Variants in ITPK1 observed in about 807,000 individuals in gnomAD.
ITPK1 encodes the protein inositol-tetrakisphosphate 1-kinase, also known as inositol 1,3,4-trisphosphate 5/6-kinase.
In ITPK1, 21 loss-of-function variants were observed where a neutral mutation model predicts 45.3. That is an observed-to-expected ratio of 0.46 (90% CI 0.33 to 0.67). ITPK1 has a LOEUF of 0.67. Among genes scored for constraint, ITPK1 ranks in the 30% least tolerant of loss-of-function variants. The probability of loss-of-function intolerance (pLI) is 0.02; values close to 1 mark genes in which losing one functional copy is unlikely to be tolerated. For missense variants in ITPK1, 474 were observed against 573.5 expected (o/e 0.83, Z 1.77); for synonymous variants, 258 against 253.6 (o/e 1.02, Z -0.16).
intron 4 of ITPK1, among the ~76,000 whole-genome samples, chr14:92,996,560 A>G (rs1448367006): frequency 6.6e-6 from 1 of 151,774 alleles, no homozygotes. Flanking sequence ...GTGCACATGT[A>G]CCCTAGAACT....
intron 3 of ITPK1, among the ~76,000 whole-genome samples, chr14:93,051,052 T>G (rs754231837): frequency 4.6e-5 from 7 of 152,178 alleles, no homozygotes; most frequent in African/African-American, 7.2e-5. Context: ...GGGCCCGGCC[T>G]GCCTGGGCAC....
At chr14:92,990,148 T>C (rs1004745717) in intron 5 of ITPK1, among the ~76,000 whole-genome samples, 1 of 152,198 alleles carries the variant, frequency 6.6e-6, no homozygotes, top group African/African-American at 2.4e-5. Flanking sequence ...ATTTCCTGAC[T>C]CCCTTGCAGC....
Position 92,941,490 on chromosome 14 carries a change from C to A in ITPK1, c.*71G>T, listed in dbSNP as rs541170009. 1 of 1,449,008 alleles carries A rather than the reference C, an allele frequency of 6.9e-7. No individual in the cohort carries two copies. The highest frequency in any genetic ancestry group is 1.4e-5 in the South Asian group (1 of 73,244). The allele number at this position is 1,449,008 out of a possible 1,614,324, so 89.8% of individuals were successfully genotyped here. A position where few individuals can be genotyped will look rare whatever the true frequency, so the allele number is the denominator to read the frequency against. ...CTGGGGATTCTTAGTAGTAGCATCGCCGTTGGGAGCTGCTGGCCCAGCGGG... is the reference window on the plus strand; with the variant it reads ...CTGGGGATTCTTAGTAGTAGCATCGACGTTGGGAGCTGCTGGCCCAGCGGG... On this transcript the variant is annotated 3_prime_UTR_variant, in exon 11 of 11. Transcript: ENST00000267615.
chr14:92,949,928 G>A (rs1287879343), intron 9 of ITPK1, among the ~76,000 whole-genome samples: 1 of 152,186 alleles, frequency 6.6e-6, no homozygotes, highest in African/African-American at 2.4e-5. Flanking sequence ...TCCCCAGTGG[G>A]CCTCGGCACC....
At chr14:92,968,354 T>A (rs1306939165) in intron 5 of ITPK1, among the ~76,000 whole-genome samples, 2 of 152,004 alleles carry the variant, frequency 1.3e-5, no homozygotes, top group Non-Finnish European at 2.9e-5. Context: ...AAGGTAAATG[T>A]ATGATACATA....
intron 3 of ITPK1, chr14:93,070,764 G>C (rs1890962475): frequency 6.5e-6 from 1 of 152,962 alleles, no homozygotes; most frequent in Non-Finnish European, 1.5e-5. Context: ...AAGGGGCCTG[G>C]CTTGGGCCTG....
At chr14:92,989,548 A>C (rs1419198741) in intron 5 of ITPK1, among the ~76,000 whole-genome samples, 2 of 152,000 alleles carry the variant, frequency 1.3e-5, no homozygotes, top group East Asian at 3.9e-4. Flanking sequence ...AGAATCGCTC[A>C]CCCTAGGGTA....
At chr14:93,052,235 T>C (rs1465626888) in intron 3 of ITPK1, among the ~76,000 whole-genome samples, 1 of 152,238 alleles carries the variant, frequency 6.6e-6, no homozygotes, top group Non-Finnish European at 1.5e-5. Flanking sequence ...TGTAGGACTG[T>C]CTTTGGGTTT....
At chr14:93,086,824 C>A (rs1267018028) in intron 2 of ITPK1, among the ~76,000 whole-genome samples, 4 of 152,226 alleles carry the variant, frequency 2.6e-5, no homozygotes, top group African/African-American at 9.6e-5. Context: ...GCCCCCCAGC[C>A]ACAGGCATGA....
chr14:92,948,824 C>T (rs1216575381), intron 9 of ITPK1, among the ~76,000 whole-genome samples: 4 of 151,472 alleles, frequency 2.6e-5, no homozygotes, highest in Non-Finnish European at 4.4e-5. Context: ...GACCCATGCC[C>T]GGGCACCACC....
chr14:93,054,269 A>G (rs1235813576), intron 3 of ITPK1, among the ~76,000 whole-genome samples: 1 of 152,250 alleles, frequency 6.6e-6, no homozygotes, highest in Non-Finnish European at 1.5e-5. Flanking sequence ...TGCCTGGCAC[A>G]GGGCAAACAA....
intron 3 of ITPK1, chr14:93,071,697 G>A (rs1256340928): frequency 6.6e-6 from 1 of 152,064 alleles, no homozygotes; most frequent in Non-Finnish European, 1.5e-5. Flanking sequence ...TTAACCATTG[G>A]AAATTTAACA....
At chr14:93,114,885 C>T (rs1454258332) in intron 2 of ITPK1, among the ~76,000 whole-genome samples, 184 bp downstream of exon 2, 1 of 152,142 alleles carries the variant, frequency 6.6e-6, no homozygotes, top group Non-Finnish European at 1.5e-5. Context: ...CCACCGCTTC[C>T]CTGGAACGCG....
chr14:93,053,375 G>A (rs753199572), intron 3 of ITPK1, among the ~76,000 whole-genome samples: 9 of 149,558 alleles, frequency 6.0e-5, no homozygotes, highest in Admixed American at 2.7e-4. Flanking sequence ...TTCCCCACCC[G>A]CCCCTCTCCC....
intron 4 of ITPK1, among the ~76,000 whole-genome samples, chr14:92,994,996 C>T (rs1471436730): frequency 6.6e-6 from 1 of 152,140 alleles, no homozygotes; most frequent in African/African-American, 2.4e-5. Context: ...AGGGAGGAGG[C>T]CGTGTGGAGA....
At chr14:92,945,899 T>A (rs1341012208) in intron 10 of ITPK1, among the ~76,000 whole-genome samples, 3 of 151,948 alleles carry the variant, frequency 2.0e-5, no homozygotes, top group East Asian at 3.9e-4. Context: ...AGCCTGGGAG[T>A]CTCTGGCCTG....
At chr14:93,037,836 G>A (rs950890762) in intron 3 of ITPK1, among the ~76,000 whole-genome samples, 1 of 152,182 alleles carries the variant, frequency 6.6e-6, no homozygotes, top group Non-Finnish European at 1.5e-5. Flanking sequence ...TCAAATTAAT[G>A]TCCATTGTAA....
At chr14:93,008,780 AC>A (rs1481158105) in intron 4 of ITPK1, among the ~76,000 whole-genome samples, 1 of 152,254 alleles carries the variant, frequency 6.6e-6, no homozygotes, top group African/African-American at 2.4e-5. Context: ...TGCCACTCAC[AC>A]AAACCAGGAG....
At chr14:93,097,402 A>G (rs767046823) in intron 2 of ITPK1, among the ~76,000 whole-genome samples, 1 of 152,184 alleles carries the variant, frequency 6.6e-6, no homozygotes, top group Non-Finnish European at 1.5e-5. Flanking sequence ...GAAAGCCAAG[A>G]AGGAGGCCAG....
Sources: gnomAD v4.1 joint callset for allele counts (sites outside exome capture counted in the v4.1 genomes callset) on GRCh38, gnomAD v4.1.1 for gene constraint, MANE v1.5 for transcripts, NCBI Gene and HGNC (gene_info 2026-07-23, HGNC 2026-07-21) for gene names.